The following NUP54 variants were observed in gnomAD, a reference collection of about 807,000 sequenced individuals.
NUP54 encodes the protein nucleoporin p54.
Under a neutral mutation model 66.4 loss-of-function variants are expected in NUP54, and 27 were observed. That is an observed-to-expected ratio of 0.41 (90% CI 0.30 to 0.56). NUP54 has a LOEUF of 0.56. Among genes scored for constraint, NUP54 ranks in the 20% least tolerant of loss-of-function variants. The probability of loss-of-function intolerance (pLI) is 0.34; values close to 1 mark genes in which losing one functional copy is unlikely to be tolerated. For synonymous variants in NUP54, 206 were observed against 210.7 expected (o/e 0.98, Z 0.19); for missense variants, 486 against 596.3 (o/e 0.82, Z 1.93).
At chr4:76,124,571 T>A in intron 9 of NUP54, 78 bp downstream of exon 9, 1 of 508,600 alleles carries the variant, frequency 2.0e-6, no homozygotes, top group Non-Finnish European at 3.4e-6. Context: ...TTTTTTTCTA[T>A]TTTAAAAATC....
intron 8 of NUP54, among the ~76,000 whole-genome samples, chr4:76,125,338 A>ACGCG (rs769313894): frequency 0.08 from 11,319 of 142,108 alleles, 582 homozygotes; most frequent in Middle Eastern, 0.13. Context: ...ACACACACAC[A>ACGCG]CACACACACA....
Position 76,117,421 on chromosome 4 carries a change from C to G in NUP54, c.1395+243G>C, listed in dbSNP as rs115153505. On this transcript the variant is annotated intron_variant, in intron 11 of 11. Coordinates refer to ENST00000264883, the MANE Select transcript of NUP54 (RefSeq NM_017426.4). Reference sequence around the variant, plus strand: ...GTTTTGAGTCCCTGCTTCCAACGTACTTGGGTATATATCCAGAAGTAGACC... The same window carrying G: ...GTTTTGAGTCCCTGCTTCCAACGTAGTTGGGTATATATCCAGAAGTAGACC... Among the ~76,000 whole-genome samples, 660 of 152,230 alleles carry G rather than the reference C, an allele frequency of 4.3e-3. 4 individuals carry two copies. Among genetic ancestry groups the G allele is most frequent in the African/African-American group, 0.015 (638 of 41,534 alleles).
At chr4:76,133,842 T>C (rs1051054252) in intron 5 of NUP54, among the ~76,000 whole-genome samples, 3 of 152,208 alleles carry the variant, frequency 2.0e-5, no homozygotes, top group Admixed American at 6.5e-5. Context: ...AGCAATAATA[T>C]TTATTCATGA....
At chr4:76,130,298 A>C (rs1223194961) in intron 8 of NUP54, among the ~76,000 whole-genome samples, 2 of 152,300 alleles carry the variant, frequency 1.3e-5, no homozygotes, top group Admixed American at 1.3e-4. Flanking sequence ...TAATTTTATC[A>C]ACATACAATA....
chr4:76,140,984 GAAAGATCC>G (rs944789662), intron 3 of NUP54, among the ~76,000 whole-genome samples: 20 of 152,182 alleles, frequency 1.3e-4, no homozygotes, highest in African/African-American at 4.8e-4. Context: ...ATCAGTTGTC[GAAAGATCC>G]AACAGTCTTC....
rs775109047 is a variant in NUP54 at position 76,129,966 on chromosome 4, G to GTTTTTTTTTTTTT, written c.1056+677_1056+689dup. The stretch of plus-strand genomic sequence containing the variant: ...AATCTTTAAGTATTTAATTATGAAA[G>GTTTTTTTTTTTTT]TTTTTTTTTTTTTTTTTTTTTTTTT... On this transcript the variant is annotated intron_variant, in intron 8 of 11. Coordinates refer to ENST00000264883, the MANE Select transcript of NUP54 (RefSeq NM_017426.4). Among the ~76,000 whole-genome samples, 13 of 56,824 alleles carry GTTTTTTTTTTTTT rather than the reference G, an allele frequency of 2.3e-4. 4 individuals are homozygous for GTTTTTTTTTTTTT. Among genetic ancestry groups the GTTTTTTTTTTTTT allele is most frequent in the Non-Finnish European group, 3.0e-4 (10 of 33,164 alleles). The allele number at this position is 56,824 out of a possible 152,430, so 37.3% of individuals were successfully genotyped here.
intron 3 of NUP54, among the ~76,000 whole-genome samples, chr4:76,142,783 T>A (rs1731317229): frequency 6.6e-6 from 1 of 152,154 alleles, no homozygotes; most frequent in Admixed American, 6.5e-5. Flanking sequence ...TGTAACAATT[T>A]AAGCATCAAT....
intron 10 of NUP54, 64 bp downstream of exon 10, chr4:76,118,011 A>G (rs1047314822): frequency 3.9e-5 from 60 of 1,535,094 alleles, no homozygotes; most frequent in Non-Finnish European, 4.7e-5. Context: ...TGAAGATTAC[A>G]TAACTTTTTG....
At chr4:76,140,685 G>A (rs1731231842) in intron 3 of NUP54, among the ~76,000 whole-genome samples, 1 of 152,136 alleles carries the variant, frequency 6.6e-6, no homozygotes, top group Non-Finnish European at 1.5e-5. Flanking sequence ...TAGAAAGCAG[G>A]AGAATAAGTT....
Position 76,114,968 on chromosome 4 carries a change from ATAG to A in NUP54, c.*395_*397del, listed in dbSNP as rs1729884309. ...ACAAATCTCCAACAGCCAAGTAATT[ATAG>A]TTTGTTCTGTTATGTGCAAAGTAGA... On this transcript the variant is annotated 3_prime_UTR_variant, in exon 12 of 12. Coordinates refer to ENST00000264883, the MANE Select transcript of NUP54 (RefSeq NM_017426.4). 3.3e-5 allele frequency: 5 copies of A among 153,478 alleles called. No homozygotes were observed. In the Admixed American group the frequency reaches 3.3e-4, roughly 10 times the overall value. 9.5% of individuals were successfully genotyped at this position (153,478 alleles called of 1,614,324 possible).
chr4:76,123,360 G>T (rs1159697736), intron 9 of NUP54, among the ~76,000 whole-genome samples: 2 of 151,934 alleles, frequency 1.3e-5, no homozygotes, highest in Non-Finnish European at 2.9e-5. Context: ...CCTTTTTCAT[G>T]TTTCATCTTT....
chr4:76,142,514 C>G (rs1274226660), intron 3 of NUP54, among the ~76,000 whole-genome samples: 1 of 152,168 alleles, frequency 6.6e-6, no homozygotes, highest in Admixed American at 6.5e-5. Context: ...GAATTTGCAT[C>G]CCTGTACTTC....
chr4:76,133,137 A>G (rs765428070), intron 5 of NUP54, among the ~76,000 whole-genome samples: 1 of 151,660 alleles, frequency 6.6e-6, no homozygotes, highest in African/African-American at 2.4e-5. Flanking sequence ...GTCTCAAGCA[A>G]TCCTCCCACC....
intron 11 of NUP54, among the ~76,000 whole-genome samples, chr4:76,116,480 ATTAAACCAATCTGCAT>A (rs1416972669): frequency 3.9e-5 from 6 of 152,298 alleles, no homozygotes; most frequent in African/African-American, 1.4e-4. Flanking sequence ...GTTCATTTTC[ATTAAACCAATCTGCAT>A]TTATACTAAT....
At chr4:76,130,991 T>C (rs1730775852) in intron 7 of NUP54, 1 of 602,430 alleles carries the variant, frequency 1.7e-6, no homozygotes, top group East Asian at 2.8e-5. Flanking sequence ...AAATAGAATT[T>C]TCCGCTCCTA....
intron 8 of NUP54, among the ~76,000 whole-genome samples, chr4:76,124,997 T>C (rs1447691906): frequency 2.0e-5 from 3 of 151,578 alleles, no homozygotes; most frequent in Admixed American, 1.3e-4. Context: ...AGGCAATACA[T>C]AGAAAAAATA....
chr4:76,120,444 T>C (rs990063175), intron 9 of NUP54, among the ~76,000 whole-genome samples: 150 of 101,706 alleles, frequency 1.5e-3, no homozygotes, highest in African/African-American at 4.6e-3. Context: ...TTTTTTTTTT[T>C]CCCCAGATGG....
At chr4:76,128,861 C>G (rs746508483) in intron 8 of NUP54, among the ~76,000 whole-genome samples, 4 of 152,128 alleles carry the variant, frequency 2.6e-5, no homozygotes, top group African/African-American at 4.8e-5. Context: ...TGTTCTCACT[C>G]ATATGTGGAA....
chr4:76,134,279 A>G lies in NUP54; in HGVS notation c.606T>C (p.Ile202=). The part of the protein sequence containing the change: ...VLVFNKKETE[I]RSQQQQLVES... ...CTACCAACTGTTGTTGTTGGCTTCG[A>G]ATCTCTGTTTCTTTTTTGTTGAAAA... Residue 202 remains isoleucine (I), a synonymous_variant, in exon 5 of 12, where the codon ATT becomes ATC. Transcript: ENST00000264883. 1 of 1,613,884 alleles carries G rather than the reference A, an allele frequency of 6.2e-7. No individual in the cohort carries two copies. The highest frequency in any genetic ancestry group is 8.5e-7 in the Non-Finnish European group (1 of 1,179,838).
Sources: gnomAD v4.1 joint callset for allele counts (sites outside exome capture counted in the v4.1 genomes callset) on GRCh38, gnomAD v4.1.1 for gene constraint, MANE v1.5 for transcripts, NCBI Gene and HGNC (gene_info 2026-07-23, HGNC 2026-07-21) for gene names.